CTCF: variants seen among roughly 807,000 people sequenced by gnomAD.
The protein encoded by CTCF is CCCTC-binding factor.
Under a neutral mutation model 72.3 loss-of-function variants are expected in CTCF, and 7 were observed. That is an observed-to-expected ratio of 0.10 (90% CI 0.06 to 0.18). CTCF has a LOEUF of 0.18. Among genes scored for constraint, CTCF ranks in the 10% least tolerant of loss-of-function variants. The pLI is 1.00. For synonymous variants in CTCF, 374 were observed against 315.8 expected (o/e 1.18, Z -1.95); for missense variants, 516 against 949.1 (o/e 0.54, Z 6.00).
rs540706235 is a variant in CTCF, at chr16:67,575,524, A to G, written c.-10+4260A>G. Among the ~76,000 whole-genome samples the G allele has an allele frequency of 3.3e-5, 5 of 152,112 alleles. No homozygotes were observed. The South Asian group carries it at 8.3e-4, about 25-fold the overall frequency. ...CAGTGGTGCAATCTCGGCTCACTGC[A>G]GCCTCTGCTTCCCGGGTTCAACCGA... On this transcript the variant is annotated intron_variant, in intron 2 of 11. Transcript: ENST00000264010.
chr16:67,622,877 G>T (rs897068767), intron 7 of CTCF, among the ~76,000 whole-genome samples: 2 of 146,776 alleles, frequency 1.4e-5, no homozygotes, highest in Non-Finnish European at 1.5e-5. Context: ...GGCCAGGCTG[G>T]TCTTGAACTC....
At chr16:67,626,864 T>G in intron 8 of CTCF, 149 bp downstream of exon 8, 1 of 482,018 alleles carries the variant, frequency 2.1e-6, no homozygotes, top group Non-Finnish European at 3.4e-6. Context: ...AAGGTCATGC[T>G]CCTTGTCAAT....
At chr16:67,595,142 T>C (rs1174122092) in intron 2 of CTCF, among the ~76,000 whole-genome samples, 1 of 152,202 alleles carries the variant, frequency 6.6e-6, no homozygotes, top group Non-Finnish European at 1.5e-5. Context: ...CAGGAAGGTT[T>C]AATGTGGCGT....
At position 67,636,868 on chromosome 16, in the gene CTCF, T is replaced by A; in HGVS notation, c.1999+17T>A. 6.7e-7 allele frequency: 1 copy of A among 1,486,416 alleles called. No individual in the cohort carries two copies. 92.1% of individuals were successfully genotyped at this position (1,486,416 alleles called of 1,614,324 possible). On this transcript the variant is annotated intron_variant, in intron 11 of 11. Transcript: ENST00000264010. The stretch of plus-strand genomic sequence containing the variant: ...AGAACCAGCGTAAGTTGTTCATCTC[T>A]GCTCTGGAGGCTGGCGTCTTCTCCG...
At chr16:67,628,933 C>G (rs1192390808) in intron 9 of CTCF, among the ~76,000 whole-genome samples, 1 of 151,966 alleles carries the variant, frequency 6.6e-6, no homozygotes, top group Non-Finnish European at 1.5e-5. Context: ...GGTGGCGGGC[C>G]CCTGTACTCC....
chr16:67,625,355 C>G (rs1053217758), intron 7 of CTCF, among the ~76,000 whole-genome samples: 1 of 152,088 alleles, frequency 6.6e-6, no homozygotes, highest in Admixed American at 6.6e-5. Context: ...TACACCACCA[C>G]GCCCAGCTAA....
intron 10 of CTCF, among the ~76,000 whole-genome samples, chr16:67,633,790 AC>A (rs1389392797): frequency 1.6e-4 from 24 of 151,474 alleles, no homozygotes; most frequent in African/African-American, 5.3e-4. Flanking sequence ...TGACACACAC[AC>A]ACACACACAC....
At chr16:67,580,319 C>T (rs2051561914) in intron 2 of CTCF, among the ~76,000 whole-genome samples, 1 of 152,092 alleles carries the variant, frequency 6.6e-6, no homozygotes, top group South Asian at 2.1e-4. Context: ...AAGTGATCAT[C>T]TGGCCTCAAG....
intron 2 of CTCF, among the ~76,000 whole-genome samples, chr16:67,582,201 A>G (rs2142744249): frequency 6.9e-6 from 1 of 145,492 alleles, no homozygotes; most frequent in Non-Finnish European, 1.5e-5. Context: ...ACAGAGCAAG[A>G]CTCCGTCTCA....
At position 67,616,830 on chromosome 16, in the gene CTCF, C is replaced by G; in HGVS notation, c.1038C>G (p.Thr346=). ...TTCGGCATCGTCGTTACAAACACAC[C>G]CACGAGAAGCCATTCAAGTGTTCCA... ...ELVRHRRYKH[T]HEKPFKCSMC... Residue 346 remains threonine, a synonymous_variant, in exon 5 of 12, where the codon ACC becomes ACG. Coordinates refer to ENST00000264010, the MANE Select transcript of CTCF (RefSeq NM_006565.4). 6.2e-7 allele frequency: 1 copy of G among 1,614,068 alleles called. No homozygotes were observed. Among genetic ancestry groups the G allele is most frequent in the Non-Finnish European group, 8.5e-7 (1 of 1,179,988 alleles).
At chr16:67,608,003 T>C (rs1051647262) in intron 2 of CTCF, among the ~76,000 whole-genome samples, 1 of 101,750 alleles carries the variant, frequency 9.8e-6, no homozygotes, top group African/African-American at 4.5e-5. Flanking sequence ...TGGGCGACAG[T>C]GCGAGACTCC....
intron 2 of CTCF, among the ~76,000 whole-genome samples, chr16:67,608,402 G>A (rs1425223383): frequency 6.6e-6 from 1 of 152,126 alleles, no homozygotes; most frequent in South Asian, 2.1e-4. Context: ...TCATTGTCAG[G>A]AGAGAGGTGA....
intron 2 of CTCF, among the ~76,000 whole-genome samples, chr16:67,573,633 C>T (rs1270256148): frequency 6.6e-6 from 1 of 152,152 alleles, no homozygotes; most frequent in East Asian, 1.9e-4. Flanking sequence ...TAGAACAGCT[C>T]TGCTATCCTG....
Position 67,628,559 on chromosome 16 carries a change from G to A in CTCF, c.1701+7G>A, listed in dbSNP as rs1240231531. The A allele has an allele frequency of 2.5e-6, 4 of 1,612,502 alleles. No individual in the cohort carries two copies. The highest frequency in any genetic ancestry group is 1.7e-5 in the Admixed American group (1 of 59,944). Reference sequence around the variant, plus strand: ...GAAAACATTTACACGTCGGGTAAGGGTCAGAACTTCACTTTGCCTGTTATG... The same window carrying A: ...GAAAACATTTACACGTCGGGTAAGGATCAGAACTTCACTTTGCCTGTTATG... On this transcript the variant is annotated splice_region_variant and intron_variant, in intron 9 of 11. Coordinates refer to ENST00000264010, the MANE Select transcript of CTCF (RefSeq NM_006565.4).
chr16:67,625,806 GC>G (rs1396704728), intron 7 of CTCF, among the ~76,000 whole-genome samples: 1 of 110,260 alleles, frequency 9.1e-6, no homozygotes, highest in African/African-American at 3.6e-5. Context: ...TGTCCCCTAT[GC>G]CCCCCCACCC....
Position 67,632,074 on chromosome 16 carries a change from C to CA in CTCF, c.1837+2556dup, listed in dbSNP as rs556248338. 7.8e-3 allele frequency among the ~76,000 whole-genome samples: 750 copies of CA among 96,130 alleles called. 3 individuals are homozygous for CA. Among genetic ancestry groups the CA allele is most frequent in the African/African-American group, 0.015 (375 of 25,406 alleles). 63.1% of individuals were successfully genotyped at this position (96,130 alleles called of 152,430 possible). On this transcript the variant is annotated intron_variant, in intron 10 of 11. Transcript: ENST00000264010. Reference sequence around the variant, plus strand: ...GGGTAACAGAGCGAGACCCTGTCTCCAAAAAAAAAAAAAAAGGGAAAAAAA... The same window carrying CA: ...GGGTAACAGAGCGAGACCCTGTCTCCAAAAAAAAAAAAAAAAGGGAAAAAAA...
intron 2 of CTCF, among the ~76,000 whole-genome samples, chr16:67,605,092 C>G (rs1258896482): frequency 6.6e-6 from 1 of 150,668 alleles, no homozygotes; most frequent in Non-Finnish European, 1.5e-5. Flanking sequence ...CCTGCCTCAG[C>G]CTCCCGAGTA....
At chr16:67,564,870 T>C (rs1012996409) in intron 1 of CTCF, among the ~76,000 whole-genome samples, 2 of 152,208 alleles carry the variant, frequency 1.3e-5, no homozygotes, top group East Asian at 3.8e-4. Context: ...TTTAGTGGAA[T>C]AGACCTTTTC....
intron 2 of CTCF, among the ~76,000 whole-genome samples, chr16:67,577,405 C>T (rs1374377360): frequency 6.7e-6 from 1 of 149,166 alleles, no homozygotes; most frequent in Admixed American, 6.7e-5. Flanking sequence ...GTGTTTTTGC[C>T]TAGTTTACTT....
Sources: gnomAD v4.1 joint callset for allele counts (sites outside exome capture counted in the v4.1 genomes callset) on GRCh38, gnomAD v4.1.1 for gene constraint, MANE v1.5 for transcripts, NCBI Gene and HGNC (gene_info 2026-07-23, HGNC 2026-07-21) for gene names.